The following FREM1 variants were observed in gnomAD, a reference collection of about 807,000 sequenced individuals.
FREM1 encodes FRAS1 related extracellular matrix 1.
In FREM1, 220 loss-of-function variants were observed where a neutral mutation model predicts 210.1. That is an observed-to-expected ratio of 1.05 (90% confidence interval 0.94 to 1.17). FREM1 has a LOEUF of 1.17. Among genes scored for constraint, FREM1 ranks in the 50% most tolerant of loss-of-function variants. The pLI is 0.00. For missense variants in FREM1, 3,454 were observed against 2,675.5 expected, an observed-to-expected ratio of 1.29 and a Z score of -6.42; for synonymous variants, 1,189 against 980.2, an observed-to-expected ratio of 1.21 and a Z score of -3.98.
chr9:14,875,057 C>T (rs1833434290), intron 1 of FREM1, among the ~76,000 whole-genome samples: 1 of 152,152 alleles, frequency 6.6e-6, no homozygotes, highest in African/African-American at 2.4e-5. Flanking sequence ...TGATGGGCTT[C>T]CCTTTGTGGA....
In FREM1 at chr9:14,805,150, A is replaced by T; in HGVS notation, c.3277T>A (p.Ser1093Thr). 6.5e-7 allele frequency: 1 copy of T among 1,542,608 alleles called. No homozygotes were observed. Reference protein sequence around the residue: ...EKSNIGISIDSFQWKDMNAFH... With the variant: ...EKSNIGISIDTFQWKDMNAFH... ...GCGTTCATGTCTTTCCACTGAAATG[A>T]ATCTAGAGCACACCAAGATGGAACA... Residue 1093 changes from serine to threonine, a missense_variant and splice_region_variant, in exon 19 of 37, where the codon TCA (serine) becomes ACA (threonine). Physicochemically the swap from Ser to Thr is moderately conservative, Grantham distance 58 (BLOSUM62 1). Transcript: ENST00000380880.
Position 14,746,341 on chromosome 9 carries a change from A to AGGGT in FREM1, c.6254+8_6254+11dup. ...AGAAAACACCAATCAAATGTGCAAT[A>AGGGT]GGGTGCCTTACTGTTCCCTGCAAGC... On this transcript the variant is annotated intron_variant, in intron 35 of 36. Coordinates refer to ENST00000380880, the MANE Select transcript of FREM1 (RefSeq NM_001379081.2). 1 of 1,575,012 alleles carries AGGGT rather than the reference A, an allele frequency of 6.3e-7. No homozygotes were observed. Among genetic ancestry groups the AGGGT allele is most frequent in the East Asian group, 2.2e-5 (1 of 44,674 alleles).
intron 1 of FREM1, among the ~76,000 whole-genome samples, chr9:14,875,212 C>T (rs1198804682): frequency 2.0e-5 from 3 of 152,154 alleles, no homozygotes; most frequent in Non-Finnish European, 4.4e-5. Context: ...TGAATGTTGG[C>T]CTGCCTTGCT....
chr9:14,741,522 G>C (rs2131892503), intron 35 of FREM1, among the ~76,000 whole-genome samples: 1 of 152,266 alleles, frequency 6.6e-6, no homozygotes, highest in Non-Finnish European at 1.5e-5. Context: ...CTGTCTGACA[G>C]TTACAGCAGG....
At chr9:14,769,170 A>G (rs939099125) in intron 27 of FREM1, among the ~76,000 whole-genome samples, 9 of 152,180 alleles carry the variant, frequency 5.9e-5, no homozygotes, top group Non-Finnish European at 1.3e-4. Context: ...CATACCCTTT[A>G]TATACCTTCC....
chr9:14,851,418 G>C lies in FREM1; in HGVS notation c.1018C>G (p.Pro340Ala), dbSNP rs753189419. ...PLLVFNITKAPLQGYVTHLLD... is the reference protein window; with the variant it reads ...PLLVFNITKAALQGYVTHLLD... The stretch of plus-strand genomic sequence containing the variant: ...AGGTGAGTCACATAGCCCTGGAGCG[G>C]GGCTTTAGTAATGTTGAACACCAGC... Residue 340 changes from proline (P) to alanine (A), a missense_variant, in exon 6 of 37, where the codon CCG (proline) becomes GCG (alanine). By Grantham distance (27) the Pro-to-Ala change is conservative. Transcript: ENST00000380880. 3.7e-6 allele frequency: 6 copies of C among 1,613,808 alleles called. No individual in the cohort carries two copies. The East Asian group carries it at 6.7e-5, about 18-fold the overall frequency.
chr9:14,750,857 G>T (rs1302372803), intron 29 of FREM1, among the ~76,000 whole-genome samples: 1 of 152,072 alleles, frequency 6.6e-6, no homozygotes, highest in African/African-American at 2.4e-5. Context: ...TATGGGCTGG[G>T]GGTTCTAGAA....
chr9:14,903,839 T>C (rs776693701), intron 1 of FREM1, among the ~76,000 whole-genome samples: 2 of 152,136 alleles, frequency 1.3e-5, no homozygotes, highest in Non-Finnish European at 2.9e-5. Flanking sequence ...TAGACATTTC[T>C]GGCCGGGTGC....
intron 21 of FREM1, among the ~76,000 whole-genome samples, chr9:14,794,272 A>G (rs1266371664): frequency 6.6e-6 from 1 of 151,860 alleles, no homozygotes; most frequent in Non-Finnish European, 1.5e-5. Flanking sequence ...TTTTACTGCT[A>G]TGGGGAATTG....
At chr9:14,880,380 G>C (rs1834570540) in intron 1 of FREM1, among the ~76,000 whole-genome samples, 1 of 152,102 alleles carries the variant, frequency 6.6e-6, no homozygotes, top group African/African-American at 2.4e-5. Flanking sequence ...GAGGCGGGTG[G>C]ATCACCTGAA....
intron 1 of FREM1, among the ~76,000 whole-genome samples, chr9:14,882,295 A>T (rs1420121436): frequency 6.6e-6 from 1 of 152,084 alleles, no homozygotes; most frequent in Non-Finnish European, 1.5e-5. Context: ...ACTGAGAGAT[A>T]AGGTCAAAGT....
Position 14,876,392 on chromosome 9 carries a change from C to T in FREM1, c.-267-7148G>A, listed in dbSNP as rs530849348. On this transcript the variant is annotated intron_variant, in intron 1 of 36. Transcript: ENST00000380880. ...CAAGCCTGGGCAATGGCGGGCGCCC[C>T]TCCCCCAGCCTCGCTGCCGCCTTGC... 5.5e-3 allele frequency among the ~76,000 whole-genome samples: 841 copies of T among 152,218 alleles called. 6 individuals are homozygous for T. Among genetic ancestry groups the T allele is most frequent in the African/African-American group, 0.019 (791 of 41,536 alleles).
intron 10 of FREM1, among the ~76,000 whole-genome samples, chr9:14,840,912 T>C (rs1825574362): frequency 6.6e-6 from 1 of 152,230 alleles, no homozygotes; most frequent in South Asian, 2.1e-4. Context: ...CTTAGATCTT[T>C]AAAGACAACA....
intron 18 of FREM1, among the ~76,000 whole-genome samples, chr9:14,806,349 G>A (rs1393095131): frequency 1.3e-5 from 2 of 149,810 alleles, no homozygotes; most frequent in Non-Finnish European, 2.9e-5. Context: ...TCTGCCTCCT[G>A]GTTTCAAGCA....
Position 14,776,092 on chromosome 9 carries a change from G to T in FREM1, c.4554C>A (p.Ala1518=), listed in dbSNP as rs770002499. The T allele has an allele frequency of 6.2e-7, 1 of 1,611,030 alleles. No homozygotes were observed. Among genetic ancestry groups the T allele is most frequent in the Admixed American group, 1.7e-5 (1 of 59,932 alleles). ...VVTRNKGLRL[A]QGAVGLLSPD... ...GGGAAAGCAGGCCCACGGCCCCTTGGGCCAGTCTCAACCCCTTGTTCCTGG... is the reference window on the plus strand; with the variant it reads ...GGGAAAGCAGGCCCACGGCCCCTTGTGCCAGTCTCAACCCCTTGTTCCTGG... The change falls in exon 25 of 37, where the codon GCC becomes GCA. Residue 1518 remains alanine, a synonymous_variant. Coordinates refer to ENST00000380880, the MANE Select transcript of FREM1 (RefSeq NM_001379081.2).
At chr9:14,793,366 G>A (rs1245852255) in intron 21 of FREM1, among the ~76,000 whole-genome samples, 1 of 152,142 alleles carries the variant, frequency 6.6e-6, no homozygotes, top group Non-Finnish European at 1.5e-5. Flanking sequence ...TAGGTAATCT[G>A]GGACTCTCTA....
chr9:14,757,700 G>A (rs1308716062), intron 28 of FREM1, among the ~76,000 whole-genome samples: 3 of 152,196 alleles, frequency 2.0e-5, no homozygotes, highest in African/African-American at 7.2e-5. Flanking sequence ...TGTACCTTCT[G>A]ACAAAAGAAT....
chr9:14,768,544 T>C (rs571023036), intron 27 of FREM1, among the ~76,000 whole-genome samples: 1 of 152,198 alleles, frequency 6.6e-6, no homozygotes, highest in East Asian at 1.9e-4. Context: ...CCCCAGCTCC[T>C]AGTACTGTGC....
At chr9:14,903,894 G>C (rs1817179029) in intron 1 of FREM1, among the ~76,000 whole-genome samples, 1 of 152,128 alleles carries the variant, frequency 6.6e-6, no homozygotes, top group South Asian at 2.1e-4. Flanking sequence ...GGCCGAGGCG[G>C]GCGGATCACG....
Sources: gnomAD v4.1 joint callset for allele counts (sites outside exome capture counted in the v4.1 genomes callset) on GRCh38, gnomAD v4.1.1 for gene constraint, MANE v1.5 for transcripts, NCBI Gene and HGNC (gene_info 2026-07-23, HGNC 2026-07-21) for gene names.